Variants in GPD1L observed in about 807,000 individuals in gnomAD.
The protein encoded by GPD1L is glycerol-3-phosphate dehydrogenase 1 like.
In GPD1L, 17 loss-of-function variants were observed where a neutral mutation model predicts 32.9. That is an observed-to-expected ratio of 0.52 (90% CI 0.35 to 0.78). GPD1L has a LOEUF of 0.78. Among genes scored for constraint, GPD1L ranks in the 30% least tolerant of loss-of-function variants. The pLI is 0.01. For synonymous variants in GPD1L, 187 were observed against 165.9 expected (o/e 1.13, Z -0.98); for missense variants, 361 against 447.8 (o/e 0.81, Z 1.75).
At chr3:32,133,511 A>G (rs1392677643) in intron 2 of GPD1L, among the ~76,000 whole-genome samples, 1 of 152,202 alleles carries the variant, frequency 6.6e-6, no homozygotes. Flanking sequence ...TGTAGGCTCG[A>G]AAAGACCTTG....
In GPD1L at chr3:32,138,587, G is replaced by T; in HGVS notation, c.226G>T (p.Val76Phe). 1 of 1,614,040 alleles carries T rather than the reference G, an allele frequency of 6.2e-7. No homozygotes were observed. Among genetic ancestry groups the T allele is most frequent in the Non-Finnish European group, 8.5e-7 (1 of 1,179,920 alleles). Residue 76 changes from valine (V) to phenylalanine (F), a missense_variant and splice_region_variant, in exon 3 of 8, where the codon GTT becomes TTT. Coordinates refer to ENST00000282541, the MANE Select transcript of GPD1L (RefSeq NM_015141.4). ...LPGHKLPENV[V>F]AMSNLSEAVQ... ...GGTCTTCTCTGCCTTTTGGTTGCAGGTTGCCATGTCAAATCTTAGCGAGGC... is the reference window on the plus strand; with the variant it reads ...GGTCTTCTCTGCCTTTTGGTTGCAGTTTGCCATGTCAAATCTTAGCGAGGC...
chr3:32,161,473 T>G (rs991385642), intron 7 of GPD1L, among the ~76,000 whole-genome samples: 20 of 152,126 alleles, frequency 1.3e-4, no homozygotes, highest in African/African-American at 4.8e-4. Context: ...CACTGAGCAT[T>G]TATCAAGAAA....
At chr3:32,129,088 A>C (rs930033304) in intron 2 of GPD1L, among the ~76,000 whole-genome samples, 5 of 152,188 alleles carry the variant, frequency 3.3e-5, no homozygotes, top group Non-Finnish European at 2.9e-5. Context: ...TGCTTGTCTG[A>C]GTGGAATTTA....
intron 5 of GPD1L, among the ~76,000 whole-genome samples, chr3:32,150,357 G>T (rs1312318986): frequency 8.5e-5 from 13 of 152,070 alleles, no homozygotes. Flanking sequence ...TCTGAGAGAG[G>T]TCTTGTGTTC....
At chr3:32,151,158 C>A in intron 5 of GPD1L, 1 of 564,376 alleles carries the variant, frequency 1.8e-6, no homozygotes, top group Non-Finnish European at 3.4e-6. Flanking sequence ...GTGCGCTTCT[C>A]TGGGTGGAGC....
intron 5 of GPD1L, among the ~76,000 whole-genome samples, chr3:32,150,900 G>T (rs1454422760): frequency 6.6e-6 from 1 of 152,084 alleles, no homozygotes; most frequent in Non-Finnish European, 1.5e-5. Flanking sequence ...GACCAGCCTG[G>T]ACAACACAGT....
At chr3:32,108,760 CAG>C (rs1700201695) in intron 1 of GPD1L, among the ~76,000 whole-genome samples, 1 of 152,226 alleles carries the variant, frequency 6.6e-6, no homozygotes, top group Non-Finnish European at 1.5e-5. Context: ...CAACCAACAA[CAG>C]AATGTTCTAC....
At chr3:32,155,905 G>A (rs1350166554) in intron 5 of GPD1L, among the ~76,000 whole-genome samples, 6 of 152,194 alleles carry the variant, frequency 3.9e-5, no homozygotes, top group South Asian at 4.1e-4. Context: ...TGTCAGTGCC[G>A]TGTACCGCTT....
rs779217019 is a variant in GPD1L, at chr3:32,159,034, G to T, written c.777G>T (p.Gly259=). The T allele has an allele frequency of 2.5e-6, 4 of 1,613,848 alleles. No individual in the cohort carries two copies. The highest frequency in any genetic ancestry group is 1.6e-4 in the Middle Eastern group (1 of 6,084). The change falls in exon 6 of 8, where the codon GGG becomes GGT. Residue 259 remains glycine (G), a synonymous_variant. Transcript: ENST00000282541. The stretch of plus-strand genomic sequence containing the variant: ...CAGCCACCTTCCTAGAGAGCTGCGG[G>T]GTGGCCGACCTGATCACCACCTGTT... ...VSTATFLESC[G]VADLITTCYG... is the part of the protein sequence containing the mutation.
At position 32,106,917 on chromosome 3, in the gene GPD1L, G is replaced by A; in HGVS notation, c.47+159G>A. 1.8e-6 allele frequency: 1 copy of A among 562,472 alleles called. No individual in the cohort carries two copies. The highest frequency in any genetic ancestry group is 4.5e-5 in the Admixed American group (1 of 22,424). 34.8% of individuals were successfully genotyped at this position (562,472 alleles called of 1,614,324 possible). ...TTGCTGGGCTGGGCACCGTGCGCCC[G>A]AGGAGGCCGCACCGGGGCACTCGCT... On this transcript the variant is annotated intron_variant, in intron 1 of 7. Coordinates refer to ENST00000282541, the MANE Select transcript of GPD1L (RefSeq NM_015141.4). The surrounding 1 kb of genome is among the most constrained non-coding windows in gnomAD (Gnocchi z 4.0).
intron 1 of GPD1L, among the ~76,000 whole-genome samples, chr3:32,119,202 A>G (rs968770929): frequency 5.3e-5 from 8 of 152,240 alleles, no homozygotes; most frequent in Non-Finnish European, 1.2e-4. Flanking sequence ...TTGGTTTTCC[A>G]CAGTGGCTGC....
intron 4 of GPD1L, among the ~76,000 whole-genome samples, chr3:32,142,221 C>T (rs1047614146): frequency 9.9e-5 from 15 of 151,910 alleles, no homozygotes; most frequent in African/African-American, 2.4e-4. Flanking sequence ...CTGGTTCAAG[C>T]GATTCTCCTG....
intron 4 of GPD1L, among the ~76,000 whole-genome samples, chr3:32,145,292 C>G (rs1284518526): frequency 1.3e-5 from 2 of 152,030 alleles, no homozygotes; most frequent in Non-Finnish European, 2.9e-5. Context: ...GCACTCTAGC[C>G]TGGGCAACAC....
chr3:32,140,843 C>T (rs1396891959), intron 4 of GPD1L, among the ~76,000 whole-genome samples: 1 of 152,194 alleles, frequency 6.6e-6, no homozygotes, highest in Non-Finnish European at 1.5e-5. Flanking sequence ...GCCCCAAGAT[C>T]ACACACTAAT....
chr3:32,143,729 G>A (rs758858620), intron 4 of GPD1L, among the ~76,000 whole-genome samples: 1 of 152,100 alleles, frequency 6.6e-6, no homozygotes, highest in Non-Finnish European at 1.5e-5. Context: ...TGTAATCCCA[G>A]CACTTTGGGA....
intron 5 of GPD1L, chr3:32,150,968 G>T (rs977483062): frequency 4.5e-6 from 1 of 220,432 alleles, no homozygotes; most frequent in Non-Finnish European, 9.4e-6. Flanking sequence ...GGTGGCTTGT[G>T]CCTGTAGTCC....
In GPD1L at chr3:32,106,961, C is replaced by T; in HGVS notation, c.47+203C>T. 2.3e-6 allele frequency: 1 copy of T among 436,164 alleles called. No homozygotes were observed. Among genetic ancestry groups the T allele is most frequent in the Middle Eastern group, 6.1e-4 (1 of 1,634 alleles). The allele number at this position is 436,164 out of a possible 1,614,324, so 27.0% of individuals were successfully genotyped here. On this transcript the variant is annotated intron_variant, in intron 1 of 7. Transcript: ENST00000282541. This position sits in a 1 kb window ranked among gnomAD's most constrained non-coding sequence, Gnocchi z 4.0. ...ACTCGCTCGGGAGGCGCTGGGCTCG[C>T]GTGCGTGCGGGGGACAGCGCGGAGA...
chr3:32,145,367 A>C (rs1038638221), intron 4 of GPD1L, among the ~76,000 whole-genome samples: 9 of 152,226 alleles, frequency 5.9e-5, no homozygotes, highest in African/African-American at 2.2e-4. Context: ...TAAGGTAATA[A>C]ATTTTAAAAG....
rs1701142289 is a variant in GPD1L, at chr3:32,166,044, C to T, written c.*134C>T. On this transcript the variant is annotated 3_prime_UTR_variant, in exon 8 of 8. Coordinates refer to ENST00000282541, the MANE Select transcript of GPD1L (RefSeq NM_015141.4). ...GGATATGTATGAATTTTTACAGGTT[C>T]GTTTTTGAATTGTGAGAGGCAGTTC... 4.3e-6 allele frequency: 3 copies of T among 705,030 alleles called. No individual in the cohort carries two copies. The highest frequency in any genetic ancestry group is 2.7e-5 in the East Asian group (1 of 37,068). 43.7% of individuals were successfully genotyped at this position (705,030 alleles called of 1,614,324 possible). A position where few individuals can be genotyped will look rare whatever the true frequency, so the allele number is the denominator to read the frequency against.
Sources: gnomAD v4.1 joint callset for allele counts (sites outside exome capture counted in the v4.1 genomes callset) on GRCh38, gnomAD v4.1.1 for gene constraint, Gnocchi (gnomAD v3.1) non-coding constraint, MANE v1.5 for transcripts, NCBI Gene and HGNC (gene_info 2026-07-23, HGNC 2026-07-21) for gene names.